Variants in CDK14 observed in about 807,000 individuals in gnomAD.
The protein encoded by CDK14 is cyclin-dependent kinase 14.
In CDK14, 34 loss-of-function variants were observed where a neutral mutation model predicts 60.7. The ratio of observed to expected loss-of-function variants is 0.56; its 90% confidence interval spans 0.43 to 0.75. CDK14 has a LOEUF of 0.75. CDK14 is among the 30% of genes least tolerant of loss of function. The pLI is 0.00. For missense variants in CDK14, 482 were observed against 564.1 expected, an observed-to-expected ratio of 0.85 and a Z score of 1.47; for synonymous variants, 197 against 203.7, an observed-to-expected ratio of 0.97 and a Z score of 0.28.
At chr7:91,180,796 A>G (rs1387409869) in intron 14 of CDK14, among the ~76,000 whole-genome samples, 1 of 152,222 alleles carries the variant, frequency 6.6e-6, no homozygotes, top group African/African-American at 2.4e-5. Flanking sequence ...AGAGATGAAT[A>G]TTCAAGGAGG....
At chr7:90,739,474 T>C (rs1803261799) in intron 3 of CDK14, among the ~76,000 whole-genome samples, 1 of 152,204 alleles carries the variant, frequency 6.6e-6, no homozygotes, top group African/African-American at 2.4e-5. Flanking sequence ...AAGTTTAATA[T>C]GGTCTATGTC....
chr7:91,081,675 T>A (rs28612463), intron 12 of CDK14, among the ~76,000 whole-genome samples: 2,819 of 152,222 alleles, frequency 0.019, 98 homozygotes, highest in African/African-American at 0.064. Flanking sequence ...AGACCCAGTT[T>A]ATTTTGGGGC....
At chr7:90,801,874 C>T (rs1056172035) in intron 5 of CDK14, among the ~76,000 whole-genome samples, 1 of 152,026 alleles carries the variant, frequency 6.6e-6, no homozygotes, top group Non-Finnish European at 1.5e-5. Flanking sequence ...TATCTGGATG[C>T]CTAGATACTT....
At chr7:90,771,100 C>T (rs751545602) in intron 4 of CDK14, among the ~76,000 whole-genome samples, 24 of 152,188 alleles carry the variant, frequency 1.6e-4, no homozygotes, top group Non-Finnish European at 2.9e-4. Context: ...ATCCACCAAT[C>T]CCCCAGCCTG....
intron 14 of CDK14, among the ~76,000 whole-genome samples, chr7:91,144,523 C>T (rs1800565422): frequency 6.7e-6 from 1 of 149,248 alleles, no homozygotes; most frequent in African/African-American, 2.5e-5. Context: ...TTAGACTGAC[C>T]ATTTTTAATA....
intron 10 of CDK14, among the ~76,000 whole-genome samples, chr7:91,003,278 CCA>C (rs1168922528): frequency 6.6e-6 from 1 of 152,034 alleles, no homozygotes; most frequent in Admixed American, 6.6e-5. Context: ...AGATATTGAT[CCA>C]CAGTTTTCCA....
At chr7:91,169,336 C>T (rs1001589958) in intron 14 of CDK14, among the ~76,000 whole-genome samples, 1 of 152,204 alleles carries the variant, frequency 6.6e-6, no homozygotes, top group African/African-American at 2.4e-5. Flanking sequence ...GCTGCCCTTT[C>T]ACCCCTCACA....
intron 9 of CDK14, among the ~76,000 whole-genome samples, chr7:90,973,121 A>C (rs1018295689): frequency 2.6e-5 from 4 of 152,186 alleles, no homozygotes; most frequent in African/African-American, 9.7e-5. Flanking sequence ...CTCCTGTCAG[A>C]ATCAGAAACA....
intron 14 of CDK14, among the ~76,000 whole-genome samples, chr7:91,194,388 A>T (rs887656684): frequency 1.3e-5 from 2 of 152,238 alleles, no homozygotes; most frequent in Non-Finnish European, 2.9e-5. Flanking sequence ...AGTAATTACA[A>T]AAAGAATAAA....
At chr7:91,005,581 A>C (rs991314679) in intron 10 of CDK14, among the ~76,000 whole-genome samples, 2 of 152,226 alleles carry the variant, frequency 1.3e-5, no homozygotes, top group African/African-American at 4.8e-5. Flanking sequence ...TCAATCTTAC[A>C]CATTGTGGGT....
intron 9 of CDK14, chr7:90,979,795 T>C (rs949182471): frequency 6.6e-5 from 10 of 152,196 alleles, no homozygotes; most frequent in African/African-American, 2.4e-4. Context: ...AGCCAAATTA[T>C]AGAAATAAAT....
chr7:90,740,270 T>TAG (rs397890123), intron 3 of CDK14, among the ~76,000 whole-genome samples: 13,419 of 139,902 alleles, frequency 0.096, 915 homozygotes, highest in East Asian at 0.28. Context: ...TATATATATA[T>TAG]AGAGAGAGAG....
chr7:90,720,413 C>T (rs1313991973), intron 2 of CDK14, among the ~76,000 whole-genome samples: 2 of 152,138 alleles, frequency 1.3e-5, no homozygotes, highest in Admixed American at 1.3e-4. Context: ...CTGAGGGTCT[C>T]CTGTATCCAG....
chr7:91,042,719 G>A (rs576766436), intron 10 of CDK14, among the ~76,000 whole-genome samples: 7 of 152,158 alleles, frequency 4.6e-5, no homozygotes, highest in African/African-American at 7.2e-5. Context: ...TTAAGTGTTC[G>A]TGGCACCTCA....
At chr7:90,758,386 C>G (rs1336213386) in intron 4 of CDK14, among the ~76,000 whole-genome samples, 1 of 152,194 alleles carries the variant, frequency 6.6e-6, no homozygotes, top group Non-Finnish European at 1.5e-5. Flanking sequence ...TATGTTCTCT[C>G]TTCTAAATTC....
chr7:90,983,596 C>G (rs370708182), intron 9 of CDK14, among the ~76,000 whole-genome samples: 7 of 151,226 alleles, frequency 4.6e-5, no homozygotes, highest in African/African-American at 1.7e-4. Flanking sequence ...AGGAGAATGG[C>G]GTGAACCCAG....
rs1163121878 is a variant in CDK14, at chr7:90,692,643, G to A, written c.124-33924G>A. ...TCTGCCTGGTGGAGACTATGCTGGCGGGCCATGATGGGGTCTTCCTGTTCT... is the reference window on the plus strand; with the variant it reads ...TCTGCCTGGTGGAGACTATGCTGGCAGGCCATGATGGGGTCTTCCTGTTCT... On this transcript the variant is annotated intron_variant, in intron 2 of 14. Transcript: ENST00000380050. 5 of 972,110 alleles carry A rather than the reference G, an allele frequency of 5.1e-6. No homozygotes were observed. The South Asian group carries it at 1.4e-4, about 28-fold the overall frequency. 60.2% of individuals were successfully genotyped at this position (972,110 alleles called of 1,614,324 possible).
At chr7:91,010,847 C>CCTTCCTTCCTTCTTT (rs1562867371) in intron 10 of CDK14, among the ~76,000 whole-genome samples, 6 of 102,522 alleles carry the variant, frequency 5.9e-5, no homozygotes, top group African/African-American at 2.3e-4. Context: ...CTCCCTCCCT[C>CCTTCCTTCCTTCTTT]CCTCCCTCCC....
At chr7:90,765,253 TA>T (rs1457428202) in intron 4 of CDK14, among the ~76,000 whole-genome samples, 1 of 152,320 alleles carries the variant, frequency 6.6e-6, no homozygotes, top group South Asian at 2.1e-4. Context: ...TAAAAAAAGT[TA>T]TTTTTTTTTT....
Sources: gnomAD v4.1 joint callset for allele counts (sites outside exome capture counted in the v4.1 genomes callset) on GRCh38, gnomAD v4.1.1 for gene constraint, MANE v1.5 for transcripts, NCBI Gene and HGNC (gene_info 2026-07-23, HGNC 2026-07-21) for gene names.